Variants in MYO16 observed in about 807,000 individuals in gnomAD.
The protein encoded by MYO16 is unconventional myosin-XVI.
A neutral mutation model predicts 205.3 loss-of-function variants in MYO16; 94 were observed. That is an observed-to-expected ratio of 0.46 (90% CI 0.39 to 0.54). MYO16 has a LOEUF of 0.54. Among genes scored for constraint, MYO16 ranks in the 20% least tolerant of loss-of-function variants. The pLI is 0.00. For synonymous variants in MYO16, 988 were observed against 954.0 expected, an observed-to-expected ratio of 1.04 and a Z score of -0.66; for missense variants, 2,315 against 2,387.5, an observed-to-expected ratio of 0.97 and a Z score of 0.63.
At chr13:109,012,026 A>G (rs1047594627) in intron 22 of MYO16, among the ~76,000 whole-genome samples, 1 of 152,142 alleles carries the variant, frequency 6.6e-6, no homozygotes, top group Admixed American at 6.5e-5. Context: ...TTATCAGAGT[A>G]TCTACACATT....
At chr13:108,958,409 AAATGTTTT>A (rs1883463752) in intron 17 of MYO16, among the ~76,000 whole-genome samples, 1 of 151,988 alleles carries the variant, frequency 6.6e-6, no homozygotes, top group Admixed American at 6.6e-5. Flanking sequence ...TGAACAATAT[AAATGTTTT>A]AATATTGTCA....
chr13:108,641,614 A>G (rs576213225), intron 1 of MYO16, among the ~76,000 whole-genome samples: 4 of 152,328 alleles, frequency 2.6e-5, no homozygotes, highest in East Asian at 3.9e-4. Flanking sequence ...ATTATTTCCT[A>G]CATGTCTAGT....
chr13:108,577,255 C>T, the MYO16 span, among the ~76,000 whole-genome samples: 1 of 152,110 alleles, frequency 6.6e-6, no homozygotes, highest in African/African-American at 2.4e-5. Flanking sequence ...AGTGTGCCTT[C>T]AGGAGAGTAG....
intron 28 of MYO16, among the ~76,000 whole-genome samples, chr13:109,117,666 G>A (rs1027836720): frequency 1.3e-5 from 2 of 151,908 alleles, no homozygotes; most frequent in East Asian, 3.9e-4. Context: ...CAAAACTCTA[G>A]TAATGGAGAT....
At position 109,022,414 on chromosome 13, in the gene MYO16, G is replaced by GTTA. The variant is rs1886085613; in HGVS notation, c.2796+2504_2796+2505insTAT. On this transcript the variant is annotated intron_variant, in intron 23 of 34. Transcript: ENST00000457511. ...ACATATATGTATATATGTATATATT[G>GTTA]TATATACAAATATAAACATATGTAT... 3.4e-5 allele frequency among the ~76,000 whole-genome samples: 3 copies of GTTA among 88,936 alleles called. 1 individual carries two copies. Among genetic ancestry groups the GTTA allele is most frequent in the African/African-American group, 9.2e-5 (2 of 21,824 alleles). The allele number at this position is 88,936 out of a possible 152,430, so 58.3% of individuals were successfully genotyped here.
At position 109,127,598 on chromosome 13, in the gene MYO16, C is replaced by T. The variant is rs1161170475; in HGVS notation, c.4051+48C>T. 2 of 1,583,892 alleles carry T rather than the reference C, an allele frequency of 1.3e-6. No homozygotes were observed. The highest frequency in any genetic ancestry group is 2.2e-5 in the South Asian group (2 of 89,034). On this transcript the variant is annotated intron_variant, in intron 31 of 34. Transcript: ENST00000457511. The surrounding 1 kb of genome is among the most constrained non-coding windows in gnomAD (Gnocchi z 4.2). ...GCCTCGTGTTCCGGGCTCGCGCATG[C>T]TCTGACTTCGCCTTGGGGCGCCCAT...
At chr13:108,933,350 A>G (rs1556811) in intron 16 of MYO16, among the ~76,000 whole-genome samples, 5,780 of 152,232 alleles carry the variant, frequency 0.038, 349 homozygotes, top group African/African-American at 0.13. Flanking sequence ...AGTGGACTAA[A>G]CAAGTTGTTC....
rs572705872 is a variant in MYO16 at position 108,913,739 on chromosome 13, T to C, written c.1925+3589T>C. ...CTCCGTGCTTCTGTATTTGAGTCCT[T>C]GTGGACGAACTATAACCTAGCTTAA... is the stretch of plus-strand genomic sequence containing the variant. On this transcript the variant is annotated intron_variant, in intron 16 of 34. Transcript: ENST00000457511. Among the ~76,000 whole-genome samples the C allele has an allele frequency of 9.8e-5, 15 of 152,330 alleles. No individual in the cohort carries two copies. The South Asian group carries it at 2.9e-3, about 29-fold the overall frequency.
At chr13:109,173,798 G>A (rs903732410) in intron 33 of MYO16, among the ~76,000 whole-genome samples, 2 of 147,784 alleles carry the variant, frequency 1.4e-5, no homozygotes, top group Non-Finnish European at 3.0e-5. Flanking sequence ...GGGAGGCTGA[G>A]GCAGGAGTGA....
At chr13:108,502,080 GCA>G in the MYO16 span, among the ~76,000 whole-genome samples, 3 of 152,272 alleles carry the variant, frequency 2.0e-5, no homozygotes, top group East Asian at 3.9e-4. Flanking sequence ...GGGTGTGGTG[GCA>G]CGTGTCTGTA....
chr13:108,865,379 A>T (rs1878659236), intron 11 of MYO16, among the ~76,000 whole-genome samples: 1 of 152,024 alleles, frequency 6.6e-6, no homozygotes, highest in Admixed American at 6.6e-5. Context: ...TTCCTGATTG[A>T]TTTATCATTT....
At chr13:108,865,027 A>G (rs1878636566) in intron 11 of MYO16, among the ~76,000 whole-genome samples, 1 of 152,162 alleles carries the variant, frequency 6.6e-6, no homozygotes, top group Non-Finnish European at 1.5e-5. Context: ...ATTCGGATTT[A>G]GTTTTCTGGT....
intron 1 of MYO16, among the ~76,000 whole-genome samples, chr13:108,603,130 C>G (rs1878826413): frequency 6.6e-6 from 1 of 152,096 alleles, no homozygotes; most frequent in Non-Finnish European, 1.5e-5. Flanking sequence ...TTTGAGATAT[C>G]ATGAAACACA....
intron 21 of MYO16, among the ~76,000 whole-genome samples, chr13:109,000,087 A>G (rs1258318758): frequency 6.6e-6 from 1 of 152,224 alleles, no homozygotes; most frequent in East Asian, 1.9e-4. Flanking sequence ...AGTAAGGAGA[A>G]TTAATGCATT....
At chr13:109,180,447 G>A (rs185582010) in intron 34 of MYO16, among the ~76,000 whole-genome samples, 7 of 152,252 alleles carry the variant, frequency 4.6e-5, no homozygotes, top group Non-Finnish European at 8.8e-5. Flanking sequence ...ACAGACTATT[G>A]CTTTAGCAAC....
chr13:109,105,835 G>C (rs1027593491), intron 28 of MYO16, among the ~76,000 whole-genome samples: 4 of 152,188 alleles, frequency 2.6e-5, no homozygotes, highest in Non-Finnish European at 5.9e-5. Context: ...GTCACCATAA[G>C]TTTTGGCAAA....
At chr13:108,864,415 T>C (rs1472488533) in intron 11 of MYO16, among the ~76,000 whole-genome samples, 3 of 152,224 alleles carry the variant, frequency 2.0e-5, no homozygotes, top group Non-Finnish European at 2.9e-5. Flanking sequence ...TTCAAAATGT[T>C]TGGTGATTTT....
At chr13:108,571,901 G>A in the MYO16 span, among the ~76,000 whole-genome samples, 1,266 of 150,774 alleles carry the variant, frequency 8.4e-3, 17 homozygotes, top group African/African-American at 0.029. Context: ...ATCAAGTTTC[G>A]TTGTTGTTTT....
chr13:108,719,348 C>A (rs776662379), intron 3 of MYO16, among the ~76,000 whole-genome samples: 13 of 152,258 alleles, frequency 8.5e-5, no homozygotes, highest in Non-Finnish European at 1.5e-4. Context: ...TTTCTTTAAG[C>A]AACCCTAATA....
Sources: gnomAD v4.1 joint callset for allele counts (sites outside exome capture counted in the v4.1 genomes callset) on GRCh38, gnomAD v4.1.1 for gene constraint, Gnocchi (gnomAD v3.1) non-coding constraint, MANE v1.5 for transcripts, NCBI Gene and HGNC (gene_info 2026-07-23, HGNC 2026-07-21) for gene names.